Variants in TEX11 observed in about 807,000 individuals in gnomAD.
TEX11 encodes testis expressed 11.
A neutral mutation model predicts 84.4 loss-of-function variants in TEX11; 7 were observed. The observed-to-expected ratio is 0.08, with a 90% CI of 0.05 to 0.16. TEX11 has a LOEUF of 0.16. Ranked by LOEUF, TEX11 falls within the 10% of genes least tolerant of loss-of-function variation. The pLI is 1.00. For synonymous variants in TEX11, 264 were observed against 222.8 expected (o/e 1.18, Z -1.64); for missense variants, 551 against 660.5 (o/e 0.83, Z 1.82).
chrX:70,591,566 G>A (rs5936935), intron 25 of TEX11, among the ~76,000 whole-genome samples, 185 bp downstream of exon 25: 46,282 of 109,485 alleles, frequency 0.42, 8,223 homozygotes, highest in East Asian at 0.61. Context: ...TCACATCACC[G>A]CGCTCCAGCC....
chrX:70,908,203 G>C (rs2091844898), intron 1 of TEX11, among the ~76,000 whole-genome samples: 1 of 111,494 alleles, frequency 9.0e-6, no homozygotes, highest in Non-Finnish European at 1.9e-5. Context: ...GCCCCCAACG[G>C]TCATGAACAG....
intron 9 of TEX11, among the ~76,000 whole-genome samples, chrX:70,751,811 G>C (rs1023116086): frequency 8.9e-6 from 1 of 111,825 alleles, no homozygotes; most frequent in African/African-American, 3.3e-5. Context: ...GAAAGCAAGT[G>C]ACACTAGAGA....
At chrX:70,767,012 A>G (rs761733121) in intron 9 of TEX11, among the ~76,000 whole-genome samples, 9 of 112,272 alleles carry the variant, frequency 8.0e-5, no homozygotes, top group African/African-American at 2.9e-4. Flanking sequence ...CTATGAAACT[A>G]CTACAAGAAA....
At chrX:70,627,826 A>G (rs1369016757) in intron 18 of TEX11, among the ~76,000 whole-genome samples, 4 of 111,655 alleles carry the variant, frequency 3.6e-5, no homozygotes, top group Non-Finnish European at 7.5e-5. Flanking sequence ...TTTTACATAA[A>G]TTACCATCAA....
chrX:70,805,666 G>A (rs1422263240), intron 9 of TEX11, among the ~76,000 whole-genome samples: 1 of 112,020 alleles, frequency 8.9e-6, no homozygotes, highest in Non-Finnish European at 1.9e-5. Flanking sequence ...CTCCCAAAGT[G>A]CTGGGATTAC....
chrX:70,698,034 A>G (rs1356614887), intron 13 of TEX11, among the ~76,000 whole-genome samples: 1 of 111,386 alleles, frequency 9.0e-6, no homozygotes, highest in African/African-American at 3.3e-5. Flanking sequence ...TAAGTAAATA[A>G]TATGTACATT....
At chrX:70,780,971 G>A (rs1314126489) in intron 9 of TEX11, among the ~76,000 whole-genome samples, 6 of 112,474 alleles carry the variant, frequency 5.3e-5, no homozygotes, top group African/African-American at 1.9e-4. Context: ...CCAGCACAGT[G>A]TTTGAGCTCG....
intron 16 of TEX11, among the ~76,000 whole-genome samples, chrX:70,659,374 C>G (rs1326593549): frequency 1.8e-5 from 2 of 111,782 alleles, no homozygotes; most frequent in Non-Finnish European, 3.8e-5. Context: ...ATACAAATCC[C>G]AATTAAAAAT....
intron 26 of TEX11, among the ~76,000 whole-genome samples, chrX:70,554,058 C>T (rs1238025772): frequency 9.0e-6 from 1 of 111,381 alleles, no homozygotes; most frequent in Non-Finnish European, 1.9e-5. Flanking sequence ...TTTTATTAAC[C>T]ACACACATGC....
At chrX:70,903,604 G>C (rs1373141528) in intron 2 of TEX11, among the ~76,000 whole-genome samples, 3 of 110,300 alleles carry the variant, frequency 2.7e-5, no homozygotes, top group Non-Finnish European at 3.8e-5. Flanking sequence ...GAAATAACAC[G>C]AAAAGGATAG....
intron 16 of TEX11, among the ~76,000 whole-genome samples, chrX:70,661,741 G>T (rs970237653): frequency 9.0e-6 from 1 of 111,601 alleles, no homozygotes; most frequent in African/African-American, 3.3e-5. Flanking sequence ...CCTCCGCTCT[G>T]ATACCCAGGC....
At chrX:70,568,873 A>C (rs1030666208) in intron 25 of TEX11, among the ~76,000 whole-genome samples, 1 of 110,088 alleles carries the variant, frequency 9.1e-6, no homozygotes, top group African/African-American at 3.3e-5. Flanking sequence ...TGAATCTGAC[A>C]ATTATGTGTC....
chrX:70,872,159 G>C (rs1602200238), intron 4 of TEX11, among the ~76,000 whole-genome samples: 1 of 111,275 alleles, frequency 9.0e-6, no homozygotes, highest in Non-Finnish European at 1.9e-5. Flanking sequence ...AATATCACAC[G>C]GTTCACCTGT....
intron 9 of TEX11, among the ~76,000 whole-genome samples, chrX:70,804,853 T>C (rs1346097971): frequency 1.8e-5 from 2 of 111,050 alleles, no homozygotes; most frequent in African/African-American, 3.3e-5. Context: ...CCTACTGTTA[T>C]GACCAGTTCC....
chrX:70,621,345 AC>A (rs1292561039), intron 20 of TEX11, among the ~76,000 whole-genome samples: 1 of 103,474 alleles, frequency 9.7e-6, no homozygotes, highest in Non-Finnish European at 2.0e-5. Context: ...ACATAGTGAA[AC>A]CCCGTCTCTA....
chrX:70,743,856 G>A (rs1033659331), intron 10 of TEX11, among the ~76,000 whole-genome samples: 4 of 95,593 alleles, frequency 4.2e-5, no homozygotes, highest in Non-Finnish European at 8.3e-5. Flanking sequence ...GCAACAGAGC[G>A]AGACTCTATC....
chrX:70,805,525 C>T (rs2091214087), intron 9 of TEX11, among the ~76,000 whole-genome samples: 1 of 110,386 alleles, frequency 9.1e-6, no homozygotes, highest in Non-Finnish European at 1.9e-5. Flanking sequence ...CTCAGCCTCC[C>T]GAGTAGCTGG....
chrX:70,544,836 C>CA (rs140403649), intron 28 of TEX11, among the ~76,000 whole-genome samples: 2,136 of 24,212 alleles, frequency 0.088, 126 homozygotes, highest in African/African-American at 0.14. Flanking sequence ...GACTCCATCT[C>CA]AAAAAAAAAA....
chrX:70,719,471 CA>C (rs1569417781), intron 13 of TEX11, among the ~76,000 whole-genome samples: 1 of 111,579 alleles, frequency 9.0e-6, no homozygotes, highest in Admixed American at 9.6e-5. Context: ...TATGTCTATG[CA>C]ACAGAAAACA....
Sources: gnomAD v4.1 joint callset for allele counts (sites outside exome capture counted in the v4.1 genomes callset) on GRCh38, gnomAD v4.1.1 for gene constraint, MANE v1.5 for transcripts, NCBI Gene and HGNC (gene_info 2026-07-23, HGNC 2026-07-21) for gene names.